The following P4HA1 variants were observed in gnomAD, a reference collection of about 807,000 sequenced individuals.
P4HA1 encodes prolyl 4-hydroxylase subunit alpha 1, also known as prolyl 4-hydroxylase subunit alpha-1.
In P4HA1, 24 loss-of-function variants were observed where a neutral mutation model predicts 72.8. That is an observed-to-expected ratio of 0.33 (90% CI 0.24 to 0.46). P4HA1 has a LOEUF of 0.46. Ranked by LOEUF, P4HA1 falls within the 20% of genes least tolerant of loss-of-function variation. P4HA1 has a pLI of 1.00. For synonymous variants in P4HA1, 201 were observed against 218.8 expected (o/e 0.92, Z 0.72); for missense variants, 446 against 640.6 (o/e 0.70, Z 3.28).
chr10:73,071,232 A>G (rs1373879839), intron 4 of P4HA1: 1 of 151,966 alleles, frequency 6.6e-6, no homozygotes, highest in Admixed American at 6.6e-5. Flanking sequence ...TATACAGTAC[A>G]GAAAATAATC....
chr10:73,088,480 C>T (rs984824297), intron 1 of P4HA1, among the ~76,000 whole-genome samples: 2 of 152,220 alleles, frequency 1.3e-5, no homozygotes, highest in Non-Finnish European at 2.9e-5. Flanking sequence ...GACCATCAAA[C>T]AAGTTCCACC....
intron 9 of P4HA1, among the ~76,000 whole-genome samples, chr10:73,032,566 C>G (rs569616656): frequency 6.6e-6 from 1 of 152,344 alleles, no homozygotes; most frequent in South Asian, 2.1e-4. Flanking sequence ...CCTCTCAGGA[C>G]AGCAGCAACA....
At chr10:73,067,308 C>T (rs1367127601) in intron 5 of P4HA1, among the ~76,000 whole-genome samples, 3 of 152,166 alleles carry the variant, frequency 2.0e-5, no homozygotes, top group Non-Finnish European at 4.4e-5. Flanking sequence ...TTGCAACAGC[C>T]TCCTCCCTGG....
At chr10:73,094,498 C>T (rs1842119813) in intron 1 of P4HA1, among the ~76,000 whole-genome samples, 1 of 152,126 alleles carries the variant, frequency 6.6e-6, no homozygotes. Context: ...GATTTCATGA[C>T]CTTAAAATAG....
chr10:73,078,845 C>A (rs1387081663), intron 1 of P4HA1, among the ~76,000 whole-genome samples: 5 of 152,012 alleles, frequency 3.3e-5, no homozygotes, highest in Non-Finnish European at 7.4e-5. Context: ...CTCCTGACCT[C>A]AGGTGATCTG....
chr10:73,046,777 G>C, intron 8 of P4HA1, 148 bp downstream of exon 8: 1 of 610,744 alleles, frequency 1.6e-6, no homozygotes, highest in East Asian at 2.8e-5. Flanking sequence ...CATAAACACA[G>C]CATCATTAGT....
chr10:73,086,038 T>C (rs1841917844), intron 1 of P4HA1, among the ~76,000 whole-genome samples: 1 of 152,184 alleles, frequency 6.6e-6, no homozygotes, highest in Non-Finnish European at 1.5e-5. Context: ...ATTACAAGTA[T>C]TGACAAGGAC....
chr10:73,030,386 A>C lies in P4HA1; in HGVS notation c.1149-16T>G, dbSNP rs1840406469. The C allele has an allele frequency of 7.3e-7, 1 of 1,377,808 alleles. No homozygotes were observed. The allele number at this position is 1,377,808 out of a possible 1,614,324, so 85.3% of individuals were successfully genotyped here. A position where few individuals can be genotyped will look rare whatever the true frequency, so the allele number is the denominator to read the frequency against. On this transcript the variant is annotated splice_polypyrimidine_tract_variant and intron_variant, in intron 9 of 14. Coordinates refer to ENST00000394890, the MANE Select transcript of P4HA1 (RefSeq NM_001017962.3). Reference sequence around the variant, plus strand: ...GAGCCAGGCACTAAGAATAAGAGGAATATTAGTTTTATTGATAATGTTTCA... The same window carrying C: ...GAGCCAGGCACTAAGAATAAGAGGACTATTAGTTTTATTGATAATGTTTCA...
chr10:73,068,320 CTT>C (rs1337450025), intron 5 of P4HA1, among the ~76,000 whole-genome samples: 1 of 152,030 alleles, frequency 6.6e-6, no homozygotes, highest in Non-Finnish European at 1.5e-5. Flanking sequence ...GAGTCACAAA[CTT>C]TGAAAAAGTG....
At chr10:73,057,476 C>A (rs1254066997) in intron 5 of P4HA1, among the ~76,000 whole-genome samples, 3 of 151,772 alleles carry the variant, frequency 2.0e-5, no homozygotes, top group African/African-American at 7.3e-5. Flanking sequence ...GGCGACGGAG[C>A]GAGACTCCAT....
chr10:73,051,290 T>C, intron 6 of P4HA1, 41 bp from the exon 7 acceptor site: 1 of 1,085,296 alleles, frequency 9.2e-7, no homozygotes, highest in South Asian at 1.4e-5. Flanking sequence ...GGTAAGTTCA[T>C]GCTTGTTCAA....
Position 73,074,840 on chromosome 10 carries a change from G to C in P4HA1, c.44C>G (p.Ser15Cys). The C allele has an allele frequency of 6.3e-7, 1 of 1,576,190 alleles. No homozygotes were observed. Among genetic ancestry groups the C allele is most frequent in the South Asian group, 1.1e-5 (1 of 90,148 alleles). ...ILIIGILLPQ[S>C]LAHPGFFTSI... Reference sequence around the variant, plus strand: ...AGTAAAAAAGCCTGGATGAGCCAAAGACTGGGGAAGCAGAATTCCTATAAT... The same window carrying C: ...AGTAAAAAAGCCTGGATGAGCCAAACACTGGGGAAGCAGAATTCCTATAAT... Residue 15 changes from serine (S) to cysteine (C), a missense_variant, in exon 2 of 15, where the codon TCT becomes TGT. Ser to Cys is a moderately radical substitution (Grantham distance 112). Coordinates refer to ENST00000394890, the MANE Select transcript of P4HA1 (RefSeq NM_001017962.3).
At chr10:73,036,124 T>C (rs111395535) in intron 9 of P4HA1, among the ~76,000 whole-genome samples, 6,822 of 150,588 alleles carry the variant, frequency 0.045, 495 homozygotes, top group African/African-American at 0.15. Flanking sequence ...GAGGCAGAGG[T>C]TGCAGTGAGC....
chr10:73,092,366 T>TA lies in P4HA1; in HGVS notation c.-33+4399dup, dbSNP rs1554843862. On this transcript the variant is annotated intron_variant, in intron 1 of 14. Coordinates refer to ENST00000394890, the MANE Select transcript of P4HA1 (RefSeq NM_001017962.3). ...CTTTTCTTTTTTTTTTTTTTTTTTT[T>TA]AGAGACAGGGTCTTGCACTCTCACC... Among the ~76,000 whole-genome samples the TA allele has an allele frequency of 3.7e-3, 528 of 141,688 alleles. 5 individuals carry two copies. Among genetic ancestry groups the TA allele is most frequent in the East Asian group, 0.01 (50 of 4,894 alleles). 93.0% of individuals were successfully genotyped at this position (141,688 alleles called of 152,430 possible).
chr10:73,010,468 GA>G (rs1839890654), intron 13 of P4HA1, among the ~76,000 whole-genome samples: 1 of 152,112 alleles, frequency 6.6e-6, no homozygotes, highest in South Asian at 2.1e-4. Context: ...AGATGGAGGG[GA>G]AAACACAATG....
intron 9 of P4HA1, among the ~76,000 whole-genome samples, chr10:73,031,346 A>G (rs968007374): frequency 6.6e-6 from 1 of 152,174 alleles, no homozygotes; most frequent in Non-Finnish European, 1.5e-5. Flanking sequence ...TTAGCTGGGC[A>G]TGGTGGCATG....
chr10:73,096,238 C>T (rs1467510178), intron 1 of P4HA1, among the ~76,000 whole-genome samples: 3 of 152,224 alleles, frequency 2.0e-5, no homozygotes, highest in Admixed American at 6.5e-5. Flanking sequence ...GAGGTCCCCC[C>T]AGCTCCCGGC....
intron 9 of P4HA1, among the ~76,000 whole-genome samples, chr10:73,037,579 T>A (rs1257166861): frequency 1.1e-4 from 14 of 123,084 alleles, no homozygotes; most frequent in African/African-American, 2.5e-4. Flanking sequence ...ATATTTTTTT[T>A]TTTTTTTTTT....
Position 73,011,040 on chromosome 10 carries a change from A to G in P4HA1, c.1369-3T>C, listed in dbSNP as rs765322799. On this transcript the variant is annotated splice_polypyrimidine_tract_variant and splice_region_variant and intron_variant, in intron 12 of 14. Coordinates refer to ENST00000394890, the MANE Select transcript of P4HA1 (RefSeq NM_001017962.3). ...CCTCCTGCAGACACATCACTCATCT[A>G]TAAGAAACAAGAGGGTGTTATCAAA... The G allele has an allele frequency of 1.9e-6, 3 of 1,611,762 alleles. No homozygotes were observed. Among genetic ancestry groups the G allele is most frequent in the Middle Eastern group, 1.7e-4 (1 of 6,054 alleles).
Sources: allele counts gnomAD v4.1 joint callset (sites outside exome capture counted in the v4.1 genomes callset), GRCh38; gene constraint gnomAD v4.1.1; transcripts MANE v1.5; gene names NCBI Gene and HGNC (gene_info 2026-07-23, HGNC 2026-07-21).